The following EN1 variants were observed in gnomAD, a reference collection of about 807,000 sequenced individuals.
EN1 encodes the protein engrailed homeobox 1.
Under a neutral mutation model 22.9 loss-of-function variants are expected in EN1, and 8 were observed. The ratio of observed to expected loss-of-function variants is 0.35; its 90% CI spans 0.20 to 0.63. The LOEUF (loss-of-function observed/expected upper bound fraction) is 0.63, where lower values mean the gene tolerates loss of function less well. Among genes scored for constraint, EN1 ranks in the 20% least tolerant of loss-of-function variants. The pLI is 0.73. For missense variants in EN1, 521 were observed against 572.1 expected (o/e 0.91, Z 0.91); for synonymous variants, 287 against 262.5 (o/e 1.09, Z -0.90).
At position 118,847,348 on chromosome 2, in the gene EN1, T is replaced by G; in HGVS notation, c.-181A>C. On this transcript the variant is annotated 5_prime_UTR_variant, in exon 1 of 2. Coordinates refer to ENST00000295206, the MANE Select transcript of EN1 (RefSeq NM_001426.4). ...GGCGTCTGGCCTGGATCGCTCGTTC[T>G]TATCTAGCAGATAGATCTCGCTGTC... 2.7e-6 allele frequency: 1 copy of G among 372,850 alleles called. No individual in the cohort carries two copies. The highest frequency in any genetic ancestry group is 4.8e-6 in the Non-Finnish European group (1 of 210,518). 23.1% of individuals were successfully genotyped at this position (372,850 alleles called of 1,614,324 possible).
In EN1 at chr2:118,847,398, C is replaced by G; in HGVS notation, c.-231G>C. The G allele has an allele frequency of 2.9e-6, 1 of 348,082 alleles. No individual in the cohort carries two copies. Among genetic ancestry groups the G allele is most frequent in the Non-Finnish European group, 5.1e-6 (1 of 194,520 alleles). 21.6% of individuals were successfully genotyped at this position (348,082 alleles called of 1,614,324 possible). A position where few individuals can be genotyped will look rare whatever the true frequency, so the allele number is the denominator to read the frequency against. On this transcript the variant is annotated 5_prime_UTR_variant, in exon 1 of 2. Transcript: ENST00000295206. ...CTCTCCCTCTCTAATTTGTAGACAT[C>G]CAGATATGGAGACACTTGGCTATTT...
At chr2:118,843,328 G>C in intron 1 of EN1, 74 bp from the exon 2 acceptor site, 1 of 1,216,192 alleles carries the variant, frequency 8.2e-7, no homozygotes, top group Non-Finnish European at 1.1e-6. Flanking sequence ...AGAGGGCAAA[G>C]GAAGCCGTGA....
Position 118,847,377 on chromosome 2 carries a change from C to T in EN1, c.-210G>A. On this transcript the variant is annotated 5_prime_UTR_variant, in exon 1 of 2. Coordinates refer to ENST00000295206, the MANE Select transcript of EN1 (RefSeq NM_001426.4). ...CTAGCAGATAGATCTCGCTGTCTCT[C>T]CCTCTCTAATTTGTAGACATCCAGA... The T allele has an allele frequency of 2.8e-6, 1 of 358,776 alleles. No homozygotes were observed. The highest frequency in any genetic ancestry group is 5.0e-6 in the Non-Finnish European group (1 of 201,464). The allele number at this position is 358,776 out of a possible 1,614,324, so 22.2% of individuals were successfully genotyped here. A position where few individuals can be genotyped will look rare whatever the true frequency, so the allele number is the denominator to read the frequency against.
At position 118,843,061 on chromosome 2, in the gene EN1, C is replaced by T; in HGVS notation, c.1056G>A (p.Gln352=). 6.2e-7 allele frequency: 1 copy of T among 1,614,198 alleles called. No individual in the cohort carries two copies. The highest frequency in any genetic ancestry group is 8.5e-7 in the Non-Finnish European group (1 of 1,180,032). The change falls in exon 2 of 2, where the codon CAG becomes CAA. Residue 352 remains glutamine, a synonymous_variant. Transcript: ENST00000295206. The part of the protein sequence containing the change: ...LNESQIKIWF[Q]NKRAKIKKAT... Reference sequence around the variant, plus strand: ...CTTTCTTGATCTTGGCGCGCTTGTTCTGGAACCAGATCTTGATCTGGGACT... The same window carrying T: ...CTTTCTTGATCTTGGCGCGCTTGTTTTGGAACCAGATCTTGATCTGGGACT...
In EN1 at chr2:118,843,106, G is replaced by A. The variant is rs374991047; in HGVS notation, c.1011C>T (p.Ala337=). ...YITEQRRQTL[A]QELSLNESQI... is the part of the protein sequence containing the mutation. ...GGGACTCGTTGAGGCTGAGTTCCTG[G>A]GCCAGGGTCTGCCGCCGCTGCTCCG... Residue 337 remains alanine, a synonymous_variant, in exon 2 of 2, where the codon GCC becomes GCT. Coordinates refer to ENST00000295206, the MANE Select transcript of EN1 (RefSeq NM_001426.4). 6 of 1,613,936 alleles carry A rather than the reference G, an allele frequency of 3.7e-6. No homozygotes were observed. The highest frequency in any genetic ancestry group is 5.1e-6 in the Non-Finnish European group (6 of 1,179,992).
intron 1 of EN1, among the ~76,000 whole-genome samples, chr2:118,844,672 G>A (rs915790966): frequency 3.3e-5 from 5 of 152,216 alleles, no homozygotes; most frequent in African/African-American, 1.2e-4. Context: ...AGGAAGGCTG[G>A]GCAGCCTACT....
At position 118,843,001 on chromosome 2, in the gene EN1, G is replaced by A. The variant is rs771057192; in HGVS notation, c.1116C>T (p.Leu372=). 6.2e-7 allele frequency: 1 copy of A among 1,614,212 alleles called. No individual in the cohort carries two copies. Among genetic ancestry groups the A allele is most frequent in the Non-Finnish European group, 8.5e-7 (1 of 1,180,044 alleles). Residue 372 remains leucine (L), a synonymous_variant, in exon 2 of 2, where the codon CTC becomes CTT. Coordinates refer to ENST00000295206, the MANE Select transcript of EN1 (RefSeq NM_001426.4). ...AGTGGTTGTACAGTCCCTGGGCCATGAGGTGCAGCGCCAGGCCGTTCTTGA... is the reference window on the plus strand; with the variant it reads ...AGTGGTTGTACAGTCCCTGGGCCATAAGGTGCAGCGCCAGGCCGTTCTTGA... The part of the protein sequence containing the change: ...TGIKNGLALH[L]MAQGLYNHST...
rs966303197 is a variant in EN1 at position 118,842,805 on chromosome 2, T to A, written c.*133A>T. The A allele has an allele frequency of 7.2e-7, 1 of 1,392,824 alleles. No individual in the cohort carries two copies. The highest frequency in any genetic ancestry group is 1.5e-5 in the African/African-American group (1 of 68,780). 86.3% of individuals were successfully genotyped at this position (1,392,824 alleles called of 1,614,324 possible). The stretch of plus-strand genomic sequence containing the variant: ...CGTCATTGTCCATTCTGAGGCTCTC[T>A]TTCTGTCTCTCTCGCTCTTTTCCCT... On this transcript the variant is annotated 3_prime_UTR_variant, in exon 2 of 2. Coordinates refer to ENST00000295206, the MANE Select transcript of EN1 (RefSeq NM_001426.4).
intron 1 of EN1, chr2:118,844,450 C>G (rs1332543878): frequency 6.6e-6 from 1 of 152,138 alleles, no homozygotes; most frequent in East Asian, 1.9e-4. Flanking sequence ...AGCGGGAAAA[C>G]CAGGAGAGGA....
At position 118,847,198 on chromosome 2, in the gene EN1, G is replaced by T. The variant is rs1438039193; in HGVS notation, c.-31C>A. 1.1e-5 allele frequency: 7 copies of T among 651,712 alleles called. No homozygotes were observed. Among genetic ancestry groups the T allele is most frequent in the Admixed American group, 4.4e-5 (1 of 22,720 alleles). 40.4% of individuals were successfully genotyped at this position (651,712 alleles called of 1,614,324 possible). ...GCCGCCCCGCCGCCCCGGCCGCCGC[G>T]CCGGCCCCCGCCCCCACCGCCTCGC... On this transcript the variant is annotated 5_prime_UTR_variant, in exon 1 of 2. Coordinates refer to ENST00000295206, the MANE Select transcript of EN1 (RefSeq NM_001426.4).
Position 118,846,616 on chromosome 2 carries a change from C to A in EN1, c.552G>T (p.Gln184His), listed in dbSNP as rs747922948. Residue 184 changes from glutamine (Q) to histidine (H), a missense_variant, in exon 1 of 2, where the codon CAG (glutamine) becomes CAT (histidine). By Grantham distance (24) the Gln-to-His change is conservative. Around this residue, in one of 3 missense-constraint regions of EN1, gnomAD observed 436 missense variants for 410.1 expected, o/e 1.06. Coordinates refer to ENST00000295206, the MANE Select transcript of EN1 (RefSeq NM_001426.4). This position sits in a 1 kb window ranked among gnomAD's most constrained non-coding sequence, Gnocchi z 5.0. Reference protein sequence around the residue: ...DANCGPPDGSQPAAAGAGASK... With the variant: ...DANCGPPDGSHPAAAGAGASK... ...ACGCGCCCGCGCCGGCGGCGGCTGG[C>A]TGGGAGCCGTCGGGTGGGCCACAGT... The A allele has an allele frequency of 1.4e-6, 2 of 1,455,096 alleles. No individual in the cohort carries two copies. Among genetic ancestry groups the A allele is most frequent in the South Asian group, 2.7e-5 (2 of 75,220 alleles). The allele number at this position is 1,455,096 out of a possible 1,614,324, so 90.1% of individuals were successfully genotyped here. A position where few individuals can be genotyped will look rare whatever the true frequency, so the allele number is the denominator to read the frequency against.
In EN1 at chr2:118,842,683, G is replaced by A. The variant is rs1403828977; in HGVS notation, c.*255C>T. The A allele has an allele frequency of 3.6e-6, 2 of 549,884 alleles. No individual in the cohort carries two copies. Among genetic ancestry groups the A allele is most frequent in the Non-Finnish European group, 5.9e-6 (2 of 338,680 alleles). 34.1% of individuals were successfully genotyped at this position (549,884 alleles called of 1,614,324 possible). ...GGCTAGATAGAGCTTTAAGGAGTTC[G>A]CAGTTTCGTCCCTTATACTGGGAAT... On this transcript the variant is annotated 3_prime_UTR_variant, in exon 2 of 2. Coordinates refer to ENST00000295206, the MANE Select transcript of EN1 (RefSeq NM_001426.4).
Position 118,846,544 on chromosome 2 carries a change from T to TGCCGCCGCG in EN1, c.615_623dup (p.Ala206_Ala208dup), listed in dbSNP as rs1558801290. 16 of 1,189,618 alleles carry TGCCGCCGCG rather than the reference T, an allele frequency of 1.3e-5. No individual in the cohort carries two copies. The highest frequency in any genetic ancestry group is 3.3e-4 in the Middle Eastern group (1 of 3,058). The allele number at this position is 1,189,618 out of a possible 1,614,324, so 73.7% of individuals were successfully genotyped here. A position where few individuals can be genotyped will look rare whatever the true frequency, so the allele number is the denominator to read the frequency against. On this transcript the variant is annotated inframe_insertion, in exon 1 of 2. Coordinates refer to ENST00000295206, the MANE Select transcript of EN1 (RefSeq NM_001426.4). The surrounding 1 kb of genome is among the most constrained non-coding windows in gnomAD (Gnocchi z 5.0). ...CTGCGGCCGCCGCCGCCGCCGCCACTGCCGCCGCGGCCGCCGCCGCCGCCG... is the reference window on the plus strand; with the variant it reads ...CTGCGGCCGCCGCCGCCGCCGCCACTGCCGCCGCGGCCGCCGCGGCCGCCGCCGCCGCCG...
intron 1 of EN1, among the ~76,000 whole-genome samples, chr2:118,845,241 A>G (rs1423848660): frequency 6.6e-6 from 1 of 152,204 alleles, no homozygotes; most frequent in Non-Finnish European, 1.5e-5. Flanking sequence ...GACCAGCCAG[A>G]GGAAAGCGGC....
intron 1 of EN1, among the ~76,000 whole-genome samples, chr2:118,845,804 A>T (rs1308945241): frequency 6.6e-6 from 1 of 152,214 alleles, no homozygotes; most frequent in Non-Finnish European, 1.5e-5. Flanking sequence ...TTATCAATGT[A>T]AACGGTCTCT....
rs1232252287 is a variant in EN1, at chr2:118,846,349, G to A, written c.819C>T (p.Pro273=). The stretch of plus-strand genomic sequence containing the variant: ...AATAACGTGTGCAGTACACCCAGGC[G>A]GGCCATACGAGAGGCTGCTGCGAGT... ...KTDSQQPLVW[P]AWVYCTRYSD... The change falls in exon 1 of 2, where the codon CCC becomes CCT. Residue 273 remains proline, a synonymous_variant. Transcript: ENST00000295206. The surrounding 1 kb of genome is among the most constrained non-coding windows in gnomAD (Gnocchi z 5.0). The A allele has an allele frequency of 6.2e-7, 1 of 1,613,022 alleles. No homozygotes were observed. The highest frequency in any genetic ancestry group is 1.1e-5 in the South Asian group (1 of 90,970).
At chr2:118,844,918 C>A (rs1463853742) in intron 1 of EN1, among the ~76,000 whole-genome samples, 1 of 152,228 alleles carries the variant, frequency 6.6e-6, no homozygotes, top group Admixed American at 6.5e-5. Flanking sequence ...ATTAGCTGAG[C>A]GGGGAGAAAT....
intron 1 of EN1, among the ~76,000 whole-genome samples, chr2:118,844,985 A>T (rs779197008): frequency 2.0e-5 from 3 of 152,238 alleles, no homozygotes; most frequent in Non-Finnish European, 4.4e-5. Context: ...TGCATCCGGG[A>T]CATGTTGAAG....
At position 118,847,103 on chromosome 2, in the gene EN1, G is replaced by T; in HGVS notation, c.65C>A (p.Ala22Glu). Reference protein sequence around the residue: ...RDSALGAAAAATPGGLSLSLS... With the variant: ...RDSALGAAAAETPGGLSLSLS... ...GCTCAGGCTGAGGCCGCCCGGAGTC[G>T]CCGCCGCCGCCGCGCCGAGGGCCGA... is the stretch of plus-strand genomic sequence containing the variant. The change falls in exon 1 of 2, where the codon GCG becomes GAG. Residue 22 changes from alanine (A) to glutamate (E), a missense_variant. Physicochemically the swap from Ala to Glu is moderately radical, Grantham distance 107. This residue lies in a region of EN1 where 436 missense variants were observed against 410.1 expected (regional missense o/e 1.06). Transcript: ENST00000295206. 9 of 1,343,874 alleles carry T rather than the reference G, an allele frequency of 6.7e-6. No individual in the cohort carries two copies. Among genetic ancestry groups the T allele is most frequent in the Non-Finnish European group, 8.8e-6 (9 of 1,025,434 alleles). The allele number at this position is 1,343,874 out of a possible 1,614,324, so 83.2% of individuals were successfully genotyped here.
Sources: allele counts gnomAD v4.1 joint callset (sites outside exome capture counted in the v4.1 genomes callset), GRCh38; gene constraint gnomAD v4.1.1; regional missense constraint gnomAD v4.1.1; non-coding constraint Gnocchi (gnomAD v3.1); transcripts MANE v1.5; gene names NCBI Gene and HGNC (gene_info 2026-07-23, HGNC 2026-07-21).